RAB3B: variants seen among roughly 807,000 people sequenced by gnomAD.
The protein encoded by RAB3B is RAB3B, member RAS oncogene family.
A neutral mutation model predicts 20.5 loss-of-function variants in RAB3B; 11 were observed. The observed-to-expected ratio is 0.54, with a 90% CI of 0.34 to 0.89. The LOEUF is 0.89. Ranked by LOEUF, RAB3B falls within the 40% of genes least tolerant of loss-of-function variation. The pLI is 0.02. For missense variants in RAB3B, 225 were observed against 280.9 expected, an observed-to-expected ratio of 0.80 and a Z score of 1.42; for synonymous variants, 99 against 106.3, an observed-to-expected ratio of 0.93 and a Z score of 0.42.
intron 1 of RAB3B, among the ~76,000 whole-genome samples, chr1:51,989,817 T>C (rs1372124129): frequency 2.4e-5 from 3 of 122,972 alleles, no homozygotes; most frequent in Non-Finnish European, 3.4e-5. Flanking sequence ...ACCCCTCGTC[T>C]TCCATCTACA....
chr1:51,956,415 T>C (rs532660416), intron 2 of RAB3B, among the ~76,000 whole-genome samples: 2 of 152,280 alleles, frequency 1.3e-5, no homozygotes, highest in African/African-American at 4.8e-5. Context: ...GTTAAGTACT[T>C]GCCCAGGTTA....
At chr1:51,967,505 C>CTTTTCTT (rs1684869069) in intron 2 of RAB3B, among the ~76,000 whole-genome samples, 1 of 41,624 alleles carries the variant, frequency 2.4e-5, no homozygotes, top group Non-Finnish European at 6.5e-5. Context: ...TTTCCTTTTT[C>CTTTTCTT]TTTTCTTTTC....
intron 2 of RAB3B, among the ~76,000 whole-genome samples, chr1:51,970,212 C>A (rs1684910105): frequency 1.3e-5 from 2 of 152,102 alleles, no homozygotes; most frequent in South Asian, 4.1e-4. Context: ...CTGCAATGGG[C>A]CCCACATAGA....
intron 2 of RAB3B, among the ~76,000 whole-genome samples, chr1:51,958,449 C>A (rs117200588): frequency 1.3e-5 from 2 of 152,124 alleles, no homozygotes; most frequent in South Asian, 4.1e-4. Context: ...CTCGGCCGGG[C>A]GCGGTGGCTC....
At chr1:51,925,289 C>T (rs1684229499) in intron 4 of RAB3B, among the ~76,000 whole-genome samples, 1 of 152,204 alleles carries the variant, frequency 6.6e-6, no homozygotes, top group African/African-American at 2.4e-5. Flanking sequence ...CAGTGGGACT[C>T]ACTGTCTTCC....
intron 2 of RAB3B, among the ~76,000 whole-genome samples, chr1:51,969,966 A>T (rs986943021): frequency 3.9e-5 from 6 of 151,964 alleles, no homozygotes; most frequent in Non-Finnish European, 7.4e-5. Context: ...GCTACTAGGG[A>T]GGCTGAGGTG....
In RAB3B at chr1:51,925,811, C is replaced by A. The variant is rs188509783; in HGVS notation, c.473-5697G>T. Among the ~76,000 whole-genome samples, 45 of 152,240 alleles carry A rather than the reference C, an allele frequency of 3.0e-4. No individual in the cohort carries two copies. In the East Asian group the frequency reaches 5.0e-3, roughly 17 times the overall value. ...GAAAAATGGGAACTATTCTTTAAAC[C>A]AGAAGGAATTGCTTATATAGGTGAT... On this transcript the variant is annotated intron_variant, in intron 4 of 4. Transcript: ENST00000371655.
At chr1:51,980,534 T>C in intron 1 of RAB3B, 1 of 741,600 alleles carries the variant, frequency 1.3e-6, no homozygotes, top group Non-Finnish European at 2.5e-6. Context: ...TTGCAGCCTA[T>C]TCACTGGATG....
chr1:51,988,644 A>C (rs1329390134), intron 1 of RAB3B, among the ~76,000 whole-genome samples: 1 of 152,210 alleles, frequency 6.6e-6, no homozygotes, highest in Non-Finnish European at 1.5e-5. Context: ...GGATGAAGAA[A>C]TTGAGGCAGG....
intron 2 of RAB3B, among the ~76,000 whole-genome samples, chr1:51,941,076 G>A (rs971456308): frequency 3.7e-4 from 57 of 152,012 alleles, no homozygotes; most frequent in African/African-American, 1.1e-3. Context: ...AATCTGCACC[G>A]AGCCCAGGAG....
chr1:51,955,491 A>G (rs1444252895), intron 2 of RAB3B, among the ~76,000 whole-genome samples: 1 of 152,040 alleles, frequency 6.6e-6, no homozygotes, highest in Non-Finnish European at 1.5e-5. Context: ...TCCCGGGTTC[A>G]AGCGATTCTC....
intron 2 of RAB3B, among the ~76,000 whole-genome samples, chr1:51,973,173 G>T (rs1481004011): frequency 1.3e-5 from 2 of 152,146 alleles, no homozygotes; most frequent in African/African-American, 4.8e-5. Flanking sequence ...TAAGAAAAAT[G>T]TAGGTACAGC....
intron 2 of RAB3B, among the ~76,000 whole-genome samples, chr1:51,963,621 T>C (rs1185287883): frequency 6.6e-6 from 1 of 152,166 alleles, no homozygotes; most frequent in African/African-American, 2.4e-5. Context: ...CTCTCCCACC[T>C]TCCTAAATGA....
intron 2 of RAB3B, among the ~76,000 whole-genome samples, chr1:51,975,301 A>AT (rs1224805113): frequency 3.9e-5 from 6 of 152,362 alleles, no homozygotes; most frequent in African/African-American, 1.4e-4. Context: ...GTACTAATTC[A>AT]TTTTTGAAAA....
rs1308345050 is a variant in RAB3B at position 51,916,684 on chromosome 1, G to A, written c.*3243C>T. On this transcript the variant is annotated 3_prime_UTR_variant, in exon 5 of 5. Coordinates refer to ENST00000371655, the MANE Select transcript of RAB3B (RefSeq NM_002867.4). Reference sequence around the variant, plus strand: ...GCTGATTGGGAGCCTGATAAGTGTTGCCTGGCAGAGGCAGATACAGGGAAA... The same window carrying A: ...GCTGATTGGGAGCCTGATAAGTGTTACCTGGCAGAGGCAGATACAGGGAAA... 1.3e-5 allele frequency: 2 copies of A among 152,244 alleles called. No individual in the cohort carries two copies. Among genetic ancestry groups the A allele is most frequent in the African/African-American group, 4.8e-5 (2 of 41,466 alleles). 9.4% of individuals were successfully genotyped at this position (152,244 alleles called of 1,614,324 possible).
At chr1:51,923,527 C>T (rs1270199875) in intron 4 of RAB3B, among the ~76,000 whole-genome samples, 1 of 152,006 alleles carries the variant, frequency 6.6e-6, no homozygotes, top group Admixed American at 6.5e-5. Context: ...ACCAGCCTGG[C>T]CAACATGGTG....
At chr1:51,964,455 T>C (rs1460303580) in intron 2 of RAB3B, among the ~76,000 whole-genome samples, 2 of 152,172 alleles carry the variant, frequency 1.3e-5, no homozygotes, top group Non-Finnish European at 2.9e-5. Flanking sequence ...CTTTCCCTTG[T>C]TAATCTTATT....
chr1:51,928,109 T>C (rs1684270206), intron 4 of RAB3B, among the ~76,000 whole-genome samples: 1 of 152,080 alleles, frequency 6.6e-6, no homozygotes, highest in Admixed American at 6.5e-5. Context: ...CACACAGCTT[T>C]TTTTTTTCTT....
At chr1:51,978,630 G>T (rs1190676372) in intron 1 of RAB3B, among the ~76,000 whole-genome samples, 1 of 152,154 alleles carries the variant, frequency 6.6e-6, no homozygotes, top group East Asian at 1.9e-4. Flanking sequence ...CTTCTCCTAT[G>T]TCTTGGAAGC....
Sources: allele counts gnomAD v4.1 joint callset (sites outside exome capture counted in the v4.1 genomes callset), GRCh38; gene constraint gnomAD v4.1.1; transcripts MANE v1.5; gene names NCBI Gene and HGNC (gene_info 2026-07-23, HGNC 2026-07-21).